ZMYM4: variants seen among roughly 807,000 people sequenced by gnomAD.
The protein encoded by ZMYM4 is zinc finger MYM-type protein 4.
A neutral mutation model predicts 183.2 loss-of-function variants in ZMYM4; 31 were observed. The observed-to-expected ratio is 0.17, with a 90% CI of 0.13 to 0.23. The LOEUF (loss-of-function observed/expected upper bound fraction) is 0.23, where lower values mean the gene tolerates loss of function less well. Ranked by LOEUF, ZMYM4 falls within the 10% of genes least tolerant of loss-of-function variation. ZMYM4 has a pLI of 1.00. For synonymous variants in ZMYM4, 592 were observed against 631.2 expected (o/e 0.94, Z 0.93); for missense variants, 1,273 against 1,840.3 (o/e 0.69, Z 5.64).
chr1:35,380,043 G>A (rs193059265), intron 7 of ZMYM4, among the ~76,000 whole-genome samples: 2 of 152,348 alleles, frequency 1.3e-5, no homozygotes, highest in Admixed American at 6.5e-5. Context: ...GGCAAATGCT[G>A]TTAAGAAATG....
chr1:35,339,295 C>T (rs951717300), intron 2 of ZMYM4, among the ~76,000 whole-genome samples: 5 of 151,978 alleles, frequency 3.3e-5, no homozygotes, highest in East Asian at 3.9e-4. Flanking sequence ...AGTGCAGTGG[C>T]GCGATCTTTG....
chr1:35,324,787 A>T (rs1642433750), intron 1 of ZMYM4, among the ~76,000 whole-genome samples: 1 of 152,158 alleles, frequency 6.6e-6, no homozygotes, highest in Non-Finnish European at 1.5e-5. Flanking sequence ...CATTTTCTTT[A>T]GTTCTTTGGT....
intron 2 of ZMYM4, among the ~76,000 whole-genome samples, chr1:35,355,134 C>T (rs533563158): frequency 4.0e-5 from 6 of 151,370 alleles, no homozygotes; most frequent in African/African-American, 7.3e-5. Flanking sequence ...TCCAGGTTCA[C>T]GCCATTCTCC....
chr1:35,345,754 T>C (rs1018601934), intron 2 of ZMYM4, among the ~76,000 whole-genome samples: 2 of 152,184 alleles, frequency 1.3e-5, no homozygotes, highest in Non-Finnish European at 2.9e-5. Context: ...GCCTCCCACA[T>C]TACTTCTTAA....
At chr1:35,269,355 A>G (rs1381491999) in intron 1 of ZMYM4, among the ~76,000 whole-genome samples, 1 of 151,292 alleles carries the variant, frequency 6.6e-6, no homozygotes, top group East Asian at 1.9e-4. Context: ...TGGGATATCT[A>G]GGCCCAGGGA....
intron 13 of ZMYM4, among the ~76,000 whole-genome samples, chr1:35,388,308 G>A (rs11264148): frequency 0.033 from 4,963 of 152,178 alleles, 263 homozygotes; most frequent in East Asian, 0.25. Flanking sequence ...GGGTTCAAGC[G>A]ATTCTCCTGC....
chr1:35,305,098 C>T (rs899253182), intron 1 of ZMYM4, among the ~76,000 whole-genome samples: 2 of 152,150 alleles, frequency 1.3e-5, no homozygotes, highest in Admixed American at 1.3e-4. Context: ...TCCGCCTTGG[C>T]CTCCCAAAGT....
rs1229956274 is a variant in ZMYM4 at position 35,346,671 on chromosome 1, GA to G, written c.86-12244del. On this transcript the variant is annotated intron_variant, in intron 2 of 29. Transcript: ENST00000314607. Reference sequence around the variant, plus strand: ...ATCTCAAAAAAAAAAAAAAAAAAAAGAAAAAAAAAAGAGAAAGAAATAGTTC... The same window carrying G: ...ATCTCAAAAAAAAAAAAAAAAAAAAGAAAAAAAAAGAGAAAGAAATAGTTC... Among the ~76,000 whole-genome samples, 100 of 115,406 alleles carry G rather than the reference GA, an allele frequency of 8.7e-4. 1 individual carries two copies. Among genetic ancestry groups the G allele is most frequent in the East Asian group, 4.2e-3 (15 of 3,534 alleles). The allele number at this position is 115,406 out of a possible 152,430, so 75.7% of individuals were successfully genotyped here. A position where few individuals can be genotyped will look rare whatever the true frequency, so the allele number is the denominator to read the frequency against.
intron 7 of ZMYM4, 75 bp downstream of exon 7, chr1:35,370,702 T>A: frequency 8.8e-7 from 1 of 1,137,128 alleles, no homozygotes; most frequent in Non-Finnish European, 1.2e-6. Context: ...GGTCATGTAT[T>A]ACATTTGATA....
intron 18 of ZMYM4, among the ~76,000 whole-genome samples, chr1:35,394,231 C>T (rs1644768195): frequency 7.2e-6 from 1 of 139,300 alleles, no homozygotes; most frequent in African/African-American, 2.7e-5. Context: ...CTCTGAGCCA[C>T]CTCTATGGAT....
chr1:35,388,934 A>C lies in ZMYM4; in HGVS notation c.2288A>C (p.Asp763Ala). ...SEGCKLLYKH[D>A]LAKRWGNHCK... ...GGTTGCAAATTGCTTTATAAACATG[A>C]CTTGGCAAAACGCTGGGGAAATCAC... The change falls in exon 14 of 30, where the codon GAC becomes GCC. Residue 763 changes from aspartate to alanine, a missense_variant. Asp to Ala is a moderately radical substitution (Grantham distance 126). Around this residue, in one of 6 missense-constraint regions of ZMYM4, gnomAD observed 319 missense variants for 518.1 expected, o/e 0.62. Transcript: ENST00000314607. 1 of 1,613,930 alleles carries C rather than the reference A, an allele frequency of 6.2e-7. No individual in the cohort carries two copies.
intron 1 of ZMYM4, among the ~76,000 whole-genome samples, chr1:35,280,419 T>G (rs887071213): frequency 2.0e-5 from 3 of 152,186 alleles, no homozygotes; most frequent in Admixed American, 1.3e-4. Flanking sequence ...ACTACAGGCA[T>G]AAGCCATCAT....
intron 2 of ZMYM4, among the ~76,000 whole-genome samples, chr1:35,332,279 AAT>A (rs1479696122): frequency 2.0e-5 from 3 of 152,108 alleles, no homozygotes; most frequent in African/African-American, 7.2e-5. Context: ...TTATATTCTG[AAT>A]TTGCATTCTG....
At chr1:35,336,481 G>C (rs1570381512) in intron 2 of ZMYM4, among the ~76,000 whole-genome samples, 1 of 151,786 alleles carries the variant, frequency 6.6e-6, no homozygotes, top group Admixed American at 6.6e-5. Context: ...CCACCTCCCA[G>C]GTTCAAGCGA....
chr1:35,294,287 A>G (rs1640904439), intron 1 of ZMYM4, among the ~76,000 whole-genome samples: 1 of 152,214 alleles, frequency 6.6e-6, no homozygotes, highest in Admixed American at 6.5e-5. Context: ...CTTGGAAAAA[A>G]ATAGAGTGGT....
rs562367192 is a variant in ZMYM4, at chr1:35,333,188, G to A, written c.85+7783G>A. Among the ~76,000 whole-genome samples the A allele has an allele frequency of 4.0e-5, 6 of 151,662 alleles. No individual in the cohort carries two copies. The East Asian group carries it at 9.7e-4, about 24-fold the overall frequency. ...AATTTTATCCTAGAGGTTTGTGTTT[G>A]GATCTTCATGGCATTAACTATTTCC... On this transcript the variant is annotated intron_variant, in intron 2 of 29. Coordinates refer to ENST00000314607, the MANE Select transcript of ZMYM4 (RefSeq NM_005095.3).
intron 1 of ZMYM4, among the ~76,000 whole-genome samples, chr1:35,293,942 T>G (rs1640885113): frequency 6.6e-6 from 1 of 152,142 alleles, no homozygotes; most frequent in Admixed American, 6.6e-5. Context: ...GAGACCATCC[T>G]GGCTAATACA....
intron 1 of ZMYM4, among the ~76,000 whole-genome samples, chr1:35,309,357 A>G (rs1641688916): frequency 6.6e-6 from 1 of 152,228 alleles, no homozygotes; most frequent in Non-Finnish European, 1.5e-5. Context: ...TTCAACAAAC[A>G]CATATTTGTC....
At chr1:35,350,157 G>T (rs1468424263) in intron 2 of ZMYM4, among the ~76,000 whole-genome samples, 1 of 147,802 alleles carries the variant, frequency 6.8e-6, no homozygotes, top group Non-Finnish European at 1.5e-5. Context: ...TAGAGACGAG[G>T]TCTTGCTGTG....
Sources: allele counts gnomAD v4.1 joint callset (sites outside exome capture counted in the v4.1 genomes callset), GRCh38; gene constraint gnomAD v4.1.1; regional missense constraint gnomAD v4.1.1; transcripts MANE v1.5; gene names NCBI Gene and HGNC (gene_info 2026-07-23, HGNC 2026-07-21).